CELF4: variants seen among roughly 807,000 people sequenced by gnomAD.
The protein encoded by CELF4 is CUGBP Elav-like family member 4.
Under a neutral mutation model 59.9 loss-of-function variants are expected in CELF4, and 18 were observed. That is an observed-to-expected ratio of 0.30 (90% CI 0.21 to 0.45). The LOEUF is 0.45. Ranked by LOEUF, CELF4 falls within the 20% of genes least tolerant of loss-of-function variation. CELF4 has a pLI of 1.00. For missense variants in CELF4, 456 were observed against 689.0 expected, an observed-to-expected ratio of 0.66 and a Z score of 3.79; for synonymous variants, 261 against 267.1, an observed-to-expected ratio of 0.98 and a Z score of 0.22.
At chr18:37,484,761 T>C (rs551601640) in intron 2 of CELF4, among the ~76,000 whole-genome samples, 38 of 152,360 alleles carry the variant, frequency 2.5e-4, no homozygotes, top group African/African-American at 8.4e-4. Flanking sequence ...TGCATACTTA[T>C]AGAACACATG....
At chr18:37,546,807 C>T (rs2099981550) in intron 1 of CELF4, among the ~76,000 whole-genome samples, 1 of 152,244 alleles carries the variant, frequency 6.6e-6, no homozygotes, top group Non-Finnish European at 1.5e-5. Context: ...CCACAGCCTG[C>T]TCTGTGCCAT....
chr18:37,510,236 ACG>A (rs1446863273), intron 1 of CELF4, among the ~76,000 whole-genome samples: 5 of 152,212 alleles, frequency 3.3e-5, no homozygotes, highest in Non-Finnish European at 7.3e-5. Context: ...CTCCTGCCCC[ACG>A]AGTTGCAATA....
chr18:37,265,738 G>A (rs1196063327), intron 9 of CELF4, among the ~76,000 whole-genome samples: 2 of 152,140 alleles, frequency 1.3e-5, no homozygotes, highest in Non-Finnish European at 2.9e-5. Context: ...ACCTCCTCTG[G>A]GCTCCAGATG....
At chr18:37,273,984 C>T in intron 6 of CELF4, 3 of 1,173,290 alleles carry the variant, frequency 2.6e-6, no homozygotes, top group Non-Finnish European at 3.2e-6. Context: ...CTCACCCTCT[C>T]ATCTGTGCTT....
intron 2 of CELF4, among the ~76,000 whole-genome samples, chr18:37,373,674 G>A (rs1212468946): frequency 2.0e-5 from 3 of 152,222 alleles, no homozygotes; most frequent in Non-Finnish European, 2.9e-5. Flanking sequence ...AGTGGGCTCT[G>A]TCCCAAAACC....
At chr18:37,390,004 C>T (rs2099140978) in intron 2 of CELF4, among the ~76,000 whole-genome samples, 1 of 152,214 alleles carries the variant, frequency 6.6e-6, no homozygotes, top group African/African-American at 2.4e-5. Flanking sequence ...TGCTTCTGTG[C>T]AGGGTTTGGG....
intron 2 of CELF4, among the ~76,000 whole-genome samples, chr18:37,328,358 C>A (rs749265071): frequency 6.6e-6 from 1 of 152,174 alleles, no homozygotes; most frequent in African/African-American, 2.4e-5. Flanking sequence ...GGAGGATAGG[C>A]GCTGGCAGCC....
intron 12 of CELF4, among the ~76,000 whole-genome samples, chr18:37,250,393 C>G (rs746806809): frequency 4.9e-5 from 7 of 143,884 alleles, no homozygotes; most frequent in African/African-American, 1.8e-4. Context: ...CTGTACTCCC[C>G]ACAGCTGCCC....
intron 1 of CELF4, among the ~76,000 whole-genome samples, chr18:37,491,456 T>C (rs532259458): frequency 8.5e-5 from 13 of 152,336 alleles, no homozygotes; most frequent in Non-Finnish European, 1.5e-4. Context: ...ATGCCTCGTC[T>C]CTGAATAGAC....
chr18:37,427,199 C>T (rs909611400), intron 2 of CELF4, among the ~76,000 whole-genome samples: 10 of 152,124 alleles, frequency 6.6e-5, no homozygotes, highest in Non-Finnish European at 1.5e-4. Flanking sequence ...AGCAGATGTG[C>T]AGGATTGCTG....
chr18:37,361,347 T>C (rs752115632), intron 2 of CELF4, among the ~76,000 whole-genome samples: 4 of 152,192 alleles, frequency 2.6e-5, no homozygotes, highest in Non-Finnish European at 5.9e-5. Flanking sequence ...CAGCTAACCG[T>C]AGCTCTCGTC....
At chr18:37,323,116 G>C (rs748209535) in intron 2 of CELF4, among the ~76,000 whole-genome samples, 2 of 152,154 alleles carry the variant, frequency 1.3e-5, no homozygotes, top group Non-Finnish European at 2.9e-5. Flanking sequence ...ACAACTGGGT[G>C]GGGGAGTATG....
chr18:37,556,920 G>A (rs886969892), intron 1 of CELF4, among the ~76,000 whole-genome samples: 4 of 152,130 alleles, frequency 2.6e-5, no homozygotes, highest in African/African-American at 9.7e-5. Context: ...AGGTTTTGGG[G>A]ACTCTAGAGA....
chr18:37,284,944 C>T (rs2094580809), intron 3 of CELF4, among the ~76,000 whole-genome samples: 1 of 152,220 alleles, frequency 6.6e-6, no homozygotes, highest in African/African-American at 2.4e-5. Flanking sequence ...GAGGGTCTTC[C>T]TTTTCCCCCC....
At chr18:37,500,658 C>T (rs183822418) in intron 1 of CELF4, among the ~76,000 whole-genome samples, 11 of 151,940 alleles carry the variant, frequency 7.2e-5, no homozygotes, top group Admixed American at 4.6e-4. Context: ...CTCAGCCTCC[C>T]GAGTAGTTGG....
chr18:37,460,995 T>C (rs2099791858), intron 2 of CELF4, among the ~76,000 whole-genome samples: 1 of 152,202 alleles, frequency 6.6e-6, no homozygotes, highest in South Asian at 2.1e-4. Flanking sequence ...ATACAATACA[T>C]CACATGCTAG....
chr18:37,452,876 C>G (rs2099767914), intron 2 of CELF4, among the ~76,000 whole-genome samples: 1 of 152,170 alleles, frequency 6.6e-6, no homozygotes, highest in Non-Finnish European at 1.5e-5. Context: ...GAGCCAAGTA[C>G]CCACTGCCCC....
chr18:37,375,356 C>T (rs1418291893), intron 2 of CELF4, among the ~76,000 whole-genome samples: 5 of 152,140 alleles, frequency 3.3e-5, no homozygotes, highest in African/African-American at 7.2e-5. Context: ...GGACGGCTCT[C>T]GGGGCCAGTA....
intron 2 of CELF4, among the ~76,000 whole-genome samples, chr18:37,355,441 G>T (rs1250868258): frequency 6.6e-6 from 1 of 152,194 alleles, no homozygotes; most frequent in Non-Finnish European, 1.5e-5. Flanking sequence ...GGGAGGCTGA[G>T]GCAGGTGGAT....
Sources: gnomAD v4.1 joint callset for allele counts (sites outside exome capture counted in the v4.1 genomes callset) on GRCh38, gnomAD v4.1.1 for gene constraint, MANE v1.5 for transcripts, NCBI Gene and HGNC (gene_info 2026-07-23, HGNC 2026-07-21) for gene names.